The following CNTN1 variants were observed in gnomAD, a reference collection of about 807,000 sequenced individuals.
CNTN1 encodes the protein contactin 1.
Under a neutral mutation model 126.4 loss-of-function variants are expected in CNTN1, and 38 were observed. The ratio of observed to expected loss-of-function variants is 0.30; its 90% confidence interval spans 0.23 to 0.39. The LOEUF (loss-of-function observed/expected upper bound fraction) is 0.39, where lower values mean the gene tolerates loss of function less well. Among genes scored for constraint, CNTN1 ranks in the 10% least tolerant of loss-of-function variants. The pLI, the probability that CNTN1 is intolerant of heterozygous loss-of-function variation, is 1.00. For synonymous variants in CNTN1, 413 were observed against 422.6 expected (o/e 0.98, Z 0.28); for missense variants, 1,009 against 1,248.4 (o/e 0.81, Z 2.89).
Position 41,007,044 on chromosome 12 carries a change from G to GTTTT in CNTN1, c.2114-7184_2114-7183insTTTT, listed in dbSNP as rs1377932314. Reference sequence around the variant, plus strand: ...TTGGCAGTTAAAAGCAGTTTTGTGTGGTTTTTTTTTTTTTTTTTTTTTTTT... The same window carrying GTTTT: ...TTGGCAGTTAAAAGCAGTTTTGTGTGTTTTGTTTTTTTTTTTTTTTTTTTTTTTT... On this transcript the variant is annotated intron_variant, in intron 17 of 23. Transcript: ENST00000551295. Among the ~76,000 whole-genome samples the GTTTT allele has an allele frequency of 3.0e-4, 37 of 123,484 alleles. 2 individuals are homozygous for GTTTT. Among genetic ancestry groups the GTTTT allele is most frequent in the African/African-American group, 1.0e-3 (33 of 32,168 alleles). The allele number at this position is 123,484 out of a possible 152,430, so 81.0% of individuals were successfully genotyped here. A position where few individuals can be genotyped will look rare whatever the true frequency, so the allele number is the denominator to read the frequency against.
At chr12:40,852,139 G>A (rs1942740469) in intron 1 of CNTN1, among the ~76,000 whole-genome samples, 1 of 152,148 alleles carries the variant, frequency 6.6e-6, no homozygotes, top group Non-Finnish European at 1.5e-5. Context: ...GCATTCAGCA[G>A]AGAGGCCTTC....
At chr12:40,702,321 T>C (rs986403415) in intron 1 of CNTN1, among the ~76,000 whole-genome samples, 2 of 152,228 alleles carry the variant, frequency 1.3e-5, no homozygotes, top group African/African-American at 4.8e-5. Context: ...ACTGTAGAAT[T>C]CTATTGAATG....
rs1162128848 is a variant in CNTN1 at position 40,837,374 on chromosome 12, C to G, written c.-76-70983C>G. Among the ~76,000 whole-genome samples the G allele has an allele frequency of 3.9e-5, 6 of 152,266 alleles. No individual in the cohort carries two copies. The East Asian group carries it at 1.2e-3, about 29-fold the overall frequency. ...ATCAGCTGGAAGCTGGGAGTGACTT[C>G]CCAGCCCAGGGATTAGGTGAGCAAG... On this transcript the variant is annotated intron_variant, in intron 1 of 23. Transcript: ENST00000551295.
intron 14 of CNTN1, 71 bp downstream of exon 14, chr12:40,944,241 C>A: frequency 7.4e-7 from 1 of 1,360,030 alleles, no homozygotes. Context: ...AGTTCTATTA[C>A]TATAATCACA....
chr12:41,006,595 A>T (rs1431197715), intron 17 of CNTN1, among the ~76,000 whole-genome samples: 1 of 152,250 alleles, frequency 6.6e-6, no homozygotes, highest in Non-Finnish European at 1.5e-5. Context: ...GAATTTACAT[A>T]GCTAATATCA....
At chr12:40,958,506 C>G (rs1247909646) in intron 14 of CNTN1, among the ~76,000 whole-genome samples, 1 of 151,860 alleles carries the variant, frequency 6.6e-6, no homozygotes, top group African/African-American at 2.4e-5. Flanking sequence ...AAAATTTCCT[C>G]AAGACTCAAA....
chr12:40,693,006 C>G (rs1941341427), intron 1 of CNTN1, among the ~76,000 whole-genome samples: 1 of 152,192 alleles, frequency 6.6e-6, no homozygotes, highest in Admixed American at 6.5e-5. Context: ...GACGCCGGCC[C>G]GCACCTGCTC....
chr12:40,783,153 A>G (rs1048830784), intron 1 of CNTN1, among the ~76,000 whole-genome samples: 8 of 151,952 alleles, frequency 5.3e-5, no homozygotes, highest in Non-Finnish European at 1.0e-4. Context: ...TAGGACATAG[A>G]AAGTCGAGTG....
At chr12:40,801,046 G>C (rs77707521) in intron 1 of CNTN1, among the ~76,000 whole-genome samples, 8,960 of 146,082 alleles carry the variant, frequency 0.061, 367 homozygotes, top group Admixed American at 0.085. Flanking sequence ...GATTTGACAA[G>C]CTAGGAAGGC....
At chr12:40,861,910 T>A (rs1419063387) in intron 1 of CNTN1, among the ~76,000 whole-genome samples, 1 of 152,146 alleles carries the variant, frequency 6.6e-6, no homozygotes, top group Non-Finnish European at 1.5e-5. Context: ...AACATATTGT[T>A]ACTATTTTTG....
At chr12:40,824,829 G>A (rs181098573) in intron 1 of CNTN1, among the ~76,000 whole-genome samples, 8 of 152,128 alleles carry the variant, frequency 5.3e-5, no homozygotes, top group Non-Finnish European at 8.8e-5. Context: ...ATGGGTAAAT[G>A]ATAATGCCAA....
chr12:40,743,984 G>A (rs932777614), intron 1 of CNTN1, among the ~76,000 whole-genome samples: 11 of 151,986 alleles, frequency 7.2e-5, no homozygotes, highest in Admixed American at 2.6e-4. Context: ...GTCCTTTGCA[G>A]GGACATGGAT....
chr12:40,980,986 TCAGA>T lies in CNTN1; in HGVS notation c.1885_1888del (p.Asp629IlefsTer42). On this transcript the variant is annotated frameshift_variant, in exon 16 of 24. Transcript: ENST00000551295. LOFTEE classifies it high-confidence loss of function. Reference sequence around the variant, plus strand: ...TGTGGCACTTACTTGGAGCCGTGGTTCAGACAATCATAGTCCTATTTCTAAATAC... The same window carrying T: ...TGTGGCACTTACTTGGAGCCGTGGTTCAATCATAGTCCTATTTCTAAATAC... 1 of 1,613,874 alleles carries T rather than the reference TCAGA, an allele frequency of 6.2e-7. No homozygotes were observed. The highest frequency in any genetic ancestry group is 8.5e-7 in the Non-Finnish European group (1 of 1,179,806).
At chr12:40,977,738 G>A (rs997562374) in intron 15 of CNTN1, among the ~76,000 whole-genome samples, 3 of 151,792 alleles carry the variant, frequency 2.0e-5, no homozygotes, top group African/African-American at 7.3e-5. Flanking sequence ...ATTCTTTAAG[G>A]ACATTATTTC....
At chr12:41,052,554 T>C (rs2121039870) in intron 23 of CNTN1, among the ~76,000 whole-genome samples, 1 of 152,260 alleles carries the variant, frequency 6.6e-6, no homozygotes, top group Admixed American at 6.5e-5. Flanking sequence ...CTCTCAATTT[T>C]CTTATTTGTT....
intron 23 of CNTN1, among the ~76,000 whole-genome samples, chr12:41,057,899 G>C (rs1354755651): frequency 6.6e-6 from 1 of 152,082 alleles, no homozygotes; most frequent in African/African-American, 2.4e-5. Flanking sequence ...AAATCAGTTG[G>C]ACTTGGCACC....
At chr12:40,994,113 T>C (rs1207104129) in intron 17 of CNTN1, among the ~76,000 whole-genome samples, 2 of 152,182 alleles carry the variant, frequency 1.3e-5, no homozygotes, top group African/African-American at 4.8e-5. Flanking sequence ...GGTAATCATG[T>C]CTAGATGATG....
Position 41,044,323 on chromosome 12 carries a change from G to T in CNTN1, c.2980+15104G>T, listed in dbSNP as rs905875308. Among the ~76,000 whole-genome samples, 20 of 152,062 alleles carry T rather than the reference G, an allele frequency of 1.3e-4. No individual in the cohort carries two copies. In the South Asian group the frequency reaches 3.5e-3, roughly 27 times the overall value. On this transcript the variant is annotated intron_variant, in intron 23 of 23. Transcript: ENST00000551295. ...AACAATTTATGATGCTGGGTAAATT[G>T]CCAAGGATTATGTCAATAAGTTGAG...
intron 20 of CNTN1, among the ~76,000 whole-genome samples, chr12:41,023,024 A>AG (rs1948956344): frequency 1.3e-5 from 2 of 151,976 alleles, no homozygotes; most frequent in South Asian, 2.1e-4. Flanking sequence ...TGTGGCCGGT[A>AG]GGGGGGAGGG....
Sources: allele counts gnomAD v4.1 joint callset (sites outside exome capture counted in the v4.1 genomes callset), GRCh38; gene constraint gnomAD v4.1.1; transcripts MANE v1.5; gene names NCBI Gene and HGNC (gene_info 2026-07-23, HGNC 2026-07-21).